Variants in CLSTN3 observed in about 807,000 individuals in gnomAD.
The protein encoded by CLSTN3 is calsyntenin 3.
Under a neutral mutation model 95.9 loss-of-function variants are expected in CLSTN3, and 36 were observed. The observed-to-expected ratio is 0.38, with a 90% CI of 0.29 to 0.50. CLSTN3 has a LOEUF of 0.50. Among genes scored for constraint, CLSTN3 ranks in the 20% least tolerant of loss-of-function variants. The probability of loss-of-function intolerance (pLI) is 0.95; values close to 1 mark genes in which losing one functional copy is unlikely to be tolerated. For missense variants in CLSTN3, 1,084 were observed against 1,268.8 expected, an observed-to-expected ratio of 0.85 and a Z score of 2.21; for synonymous variants, 481 against 504.0, an observed-to-expected ratio of 0.95 and a Z score of 0.61.
intron 16 of CLSTN3, among the ~76,000 whole-genome samples, chr12:7,151,991 C>T (rs1341596189): frequency 6.7e-6 from 1 of 149,352 alleles, no homozygotes; most frequent in Non-Finnish European, 1.5e-5. Flanking sequence ...GAGGCCAAGG[C>T]TGCAGTGAGC....
In CLSTN3 at chr12:7,150,457, C is replaced by G; in HGVS notation, c.2246-87C>G. ...CTGACCTGCTCTACAGCTTGTGTGG[C>G]GTCAGCTGGTGGGAGTCCAGGAGAG... On this transcript the variant is annotated intron_variant, in intron 14 of 17. Coordinates refer to ENST00000266546, the MANE Select transcript of CLSTN3 (RefSeq NM_014718.4). This position sits in a 1 kb window ranked among gnomAD's most constrained non-coding sequence, Gnocchi z 4.0. 2.7e-6 allele frequency: 4 copies of G among 1,474,960 alleles called. No individual in the cohort carries two copies. The highest frequency in any genetic ancestry group is 3.7e-6 in the Non-Finnish European group (4 of 1,091,028). The allele number at this position is 1,474,960 out of a possible 1,614,324, so 91.4% of individuals were successfully genotyped here. A position where few individuals can be genotyped will look rare whatever the true frequency, so the allele number is the denominator to read the frequency against.
In CLSTN3 at chr12:7,133,671, C is replaced by G. The variant is rs150647098; in HGVS notation, c.286C>G (p.Pro96Ala). The change falls in exon 3 of 18, where the codon CCT (proline) becomes GCT (alanine). Residue 96 changes from proline to alanine, a missense_variant. Pro to Ala is a conservative substitution (Grantham distance 27). Transcript: ENST00000266546. The surrounding 1 kb of genome is among the most constrained non-coding windows in gnomAD (Gnocchi z 4.7). Reference protein sequence around the residue: ...TGEGLIRAKEPVDCEAQKEHT... With the variant: ...TGEGLIRAKEAVDCEAQKEHT... ...AGAGGGGCTGATCCGGGCCAAGGAG[C>G]CTGTGGACTGCGAGGCCCAGAAGGA... is the stretch of plus-strand genomic sequence containing the variant. 44 of 1,613,962 alleles carry G rather than the reference C, an allele frequency of 2.7e-5. No individual in the cohort carries two copies. The highest frequency in any genetic ancestry group is 3.7e-5 in the Non-Finnish European group (44 of 1,179,998).
At chr12:7,134,269 A>G (rs1170430086) in intron 3 of CLSTN3, among the ~76,000 whole-genome samples, 1 of 152,200 alleles carries the variant, frequency 6.6e-6, no homozygotes, top group Non-Finnish European at 1.5e-5. Flanking sequence ...TATACCACAC[A>G]CACGATCCCT....
chr12:7,156,946 G>T (rs1939828292), intron 16 of CLSTN3: 2 of 405,650 alleles, frequency 4.9e-6, no homozygotes, highest in African/African-American at 4.1e-5. Flanking sequence ...AAGGGAAGGG[G>T]CTGCTCTGTG....
intron 1 of CLSTN3, 187 bp from the exon 2 acceptor site, chr12:7,132,837 C>A: frequency 1.4e-6 from 1 of 714,518 alleles, no homozygotes. Context: ...TGACCTCCCG[C>A]AGACCCTCTG....
At chr12:7,148,194 AAG>A (rs1274018175) in intron 12 of CLSTN3, among the ~76,000 whole-genome samples, 2 of 136,634 alleles carry the variant, frequency 1.5e-5, no homozygotes, top group Non-Finnish European at 3.3e-5. Context: ...GAAAGAAAGA[AAG>A]AAAGAAAGAA....
chr12:7,150,795 A>T lies in CLSTN3; in HGVS notation c.2391+106A>T. 6.4e-7 allele frequency: 1 copy of T among 1,557,774 alleles called. No homozygotes were observed. Among genetic ancestry groups the T allele is most frequent in the Non-Finnish European group, 8.8e-7 (1 of 1,142,408 alleles). ...GGTGGGCATGGACATGGCAGCGTGG[A>T]GGGCTGCTGGACCTTGCAGTGGGTG... On this transcript the variant is annotated intron_variant, in intron 15 of 17. Coordinates refer to ENST00000266546, the MANE Select transcript of CLSTN3 (RefSeq NM_014718.4). The surrounding 1 kb of genome is among the most constrained non-coding windows in gnomAD (Gnocchi z 4.0).
At position 7,143,310 on chromosome 12, in the gene CLSTN3, A is replaced by G; in HGVS notation, c.1846A>G (p.Lys616Glu). The change falls in exon 12 of 18, where the codon AAG becomes GAG. Residue 616 changes from lysine (K) to glutamate (E), a missense_variant and splice_region_variant. Coordinates refer to ENST00000266546, the MANE Select transcript of CLSTN3 (RefSeq NM_014718.4). The stretch of plus-strand genomic sequence containing the variant: ...GCCCCTGCGCCTCACCACTGCTGTC[A>G]AGTGAGTGTTGGGTGGGGCAGGGCA... ...VRPLRLTTAV[K>E]CFSEESCVSI... 6.2e-7 allele frequency: 1 copy of G among 1,607,556 alleles called. No homozygotes were observed. Among genetic ancestry groups the G allele is most frequent in the African/African-American group, 1.3e-5 (1 of 75,058 alleles).
At chr12:7,154,739 T>G (rs1668035608) in intron 16 of CLSTN3, among the ~76,000 whole-genome samples, 1 of 152,204 alleles carries the variant, frequency 6.6e-6, no homozygotes, top group Non-Finnish European at 1.5e-5. Context: ...TTTTCCTCTT[T>G]TGTTTCCTAC....
At chr12:7,147,550 C>T (rs1367082005) in intron 12 of CLSTN3, among the ~76,000 whole-genome samples, 10 of 138,922 alleles carry the variant, frequency 7.2e-5, no homozygotes, top group Non-Finnish European at 1.4e-4. Flanking sequence ...CTCACTCTGT[C>T]GCCCAGGCTG....
In CLSTN3 at chr12:7,149,678, T is replaced by C; in HGVS notation, c.2230T>C (p.Tyr744His). ...RGLELTNTSA[Y>H]LTIAGVESIT... ...GCTGGAGCTCACCAACACATCTGCC[T>C]ACCTCACTATTGCTGGTCAGTGGGG... The change falls in exon 14 of 18, where the codon TAC becomes CAC. Residue 744 changes from tyrosine (Y) to histidine (H), a missense_variant. Coordinates refer to ENST00000266546, the MANE Select transcript of CLSTN3 (RefSeq NM_014718.4). This position sits in a 1 kb window ranked among gnomAD's most constrained non-coding sequence, Gnocchi z 4.5. 1.2e-6 allele frequency: 2 copies of C among 1,613,794 alleles called. No individual in the cohort carries two copies. The highest frequency in any genetic ancestry group is 1.7e-5 in the Admixed American group (1 of 60,000).
Position 7,149,792 on chromosome 12 carries a change from T to C in CLSTN3, c.2245+99T>C. ...AGGGTCCTCCTTCCAGGTCCAGGGATGTGGACAAGTGCCGTTTTGCATTTT... is the reference window on the plus strand; with the variant it reads ...AGGGTCCTCCTTCCAGGTCCAGGGACGTGGACAAGTGCCGTTTTGCATTTT... On this transcript the variant is annotated intron_variant, in intron 14 of 17. Coordinates refer to ENST00000266546, the MANE Select transcript of CLSTN3 (RefSeq NM_014718.4). The surrounding 1 kb of genome is among the most constrained non-coding windows in gnomAD (Gnocchi z 4.5). 8.9e-7 allele frequency: 1 copy of C among 1,120,874 alleles called. No homozygotes were observed. Among genetic ancestry groups the C allele is most frequent in the Non-Finnish European group, 1.3e-6 (1 of 792,174 alleles). The allele number at this position is 1,120,874 out of a possible 1,614,324, so 69.4% of individuals were successfully genotyped here.
chr12:7,156,979 T>C (rs1302852167), intron 16 of CLSTN3: 3 of 367,774 alleles, frequency 8.2e-6, no homozygotes, highest in Non-Finnish European at 1.6e-5. Context: ...GTCCCCAGCC[T>C]CAGGTGCTAG....
In CLSTN3 at chr12:7,137,859, G is replaced by T. The variant is rs1462142162; in HGVS notation, c.1211-96G>T. On this transcript the variant is annotated intron_variant, in intron 7 of 17. Transcript: ENST00000266546. This position sits in a 1 kb window ranked among gnomAD's most constrained non-coding sequence, Gnocchi z 4.4. ...GCTAGAGAACGAGGGAATGAGAGAG[G>T]ATTAAGAGAATCCAACATCCTCTCC... 4 of 751,964 alleles carry T rather than the reference G, an allele frequency of 5.3e-6. No individual in the cohort carries two copies. Among genetic ancestry groups the T allele is most frequent in the Non-Finnish European group, 8.7e-6 (4 of 460,844 alleles). The allele number at this position is 751,964 out of a possible 1,614,324, so 46.6% of individuals were successfully genotyped here.
At chr12:7,136,184 C>G (rs1345031505) in intron 5 of CLSTN3, 22 bp from the exon 6 acceptor site, 1 of 1,608,938 alleles carries the variant, frequency 6.2e-7, no homozygotes, top group South Asian at 1.1e-5. Flanking sequence ...TCCCCATCAC[C>G]CTCTCTGTCT....
At chr12:7,155,730 G>A (rs1185172013) in intron 16 of CLSTN3, among the ~76,000 whole-genome samples, 2 of 152,266 alleles carry the variant, frequency 1.3e-5, no homozygotes, top group Admixed American at 6.5e-5. Context: ...TGGAACCAGT[G>A]TCGAGGGAGT....
Position 7,133,753 on chromosome 12 carries a change from C to G in CLSTN3, c.368C>G (p.Thr123Ser), listed in dbSNP as rs1188292025. 11 of 1,576,156 alleles carry G rather than the reference C, an allele frequency of 7.0e-6. No homozygotes were observed. The highest frequency in any genetic ancestry group is 1.4e-5 in the African/African-American group (1 of 73,238). Reference protein sequence around the residue: ...DCGEGPDGANTKKSHKATVHV... With the variant: ...DCGEGPDGANSKKSHKATVHV... ...GGCGAGGGCCCCGACGGGGCCAACACCAAGAAGTCCCACAAGTGAGGAAGT... is the reference window on the plus strand; with the variant it reads ...GGCGAGGGCCCCGACGGGGCCAACAGCAAGAAGTCCCACAAGTGAGGAAGT... The change falls in exon 3 of 18, where the codon ACC becomes AGC. Residue 123 changes from threonine (T) to serine (S), a missense_variant. Transcript: ENST00000266546. This position sits in a 1 kb window ranked among gnomAD's most constrained non-coding sequence, Gnocchi z 4.7.
In CLSTN3 at chr12:7,133,223, G is replaced by T; in HGVS notation, c.187+77G>T. The T allele has an allele frequency of 6.5e-7, 1 of 1,542,694 alleles. No homozygotes were observed. Among genetic ancestry groups the T allele is most frequent in the Non-Finnish European group, 8.9e-7 (1 of 1,122,840 alleles). ...GGGAGGGCCAAGAGCAAGGGAGGGA[G>T]GGAAGGTCCTGGGAGTGATGAGAAA... On this transcript the variant is annotated intron_variant, in intron 2 of 17. Coordinates refer to ENST00000266546, the MANE Select transcript of CLSTN3 (RefSeq NM_014718.4). This position sits in a 1 kb window ranked among gnomAD's most constrained non-coding sequence, Gnocchi z 4.7.
chr12:7,157,174 C>T lies in CLSTN3; in HGVS notation c.2528-315C>T, dbSNP rs767356434. On this transcript the variant is annotated intron_variant, in intron 16 of 17. Transcript: ENST00000266546. This position sits in a 1 kb window ranked among gnomAD's most constrained non-coding sequence, Gnocchi z 5.9. ...TCCAGTCCTTGCCCTCTGTCCTCTG[C>T]GAATAGGGCTGTTCATGACAGTGTT... 3.9e-5 allele frequency among the ~76,000 whole-genome samples: 6 copies of T among 152,292 alleles called. No individual in the cohort carries two copies. Among genetic ancestry groups the T allele is most frequent in the East Asian group, 1.9e-4 (1 of 5,186 alleles).
Sources: gnomAD v4.1 joint callset for allele counts (sites outside exome capture counted in the v4.1 genomes callset) on GRCh38, gnomAD v4.1.1 for gene constraint, Gnocchi (gnomAD v3.1) non-coding constraint, MANE v1.5 for transcripts, NCBI Gene and HGNC (gene_info 2026-07-23, HGNC 2026-07-21) for gene names.